MED17: variants seen among roughly 807,000 people sequenced by gnomAD.
The protein encoded by MED17 is mediator of RNA polymerase II transcription subunit 17.
MED17 carries 49 observed loss-of-function variants against 80.8 expected under a neutral mutation model. That is an observed-to-expected ratio of 0.61 (90% confidence interval 0.48 to 0.77). MED17 has a LOEUF of 0.77. Among genes scored for constraint, MED17 ranks in the 30% least tolerant of loss-of-function variants. The pLI, the probability that MED17 is intolerant of heterozygous loss-of-function variation, is 0.00. For synonymous variants in MED17, 281 were observed against 280.4 expected (o/e 1.00, Z -0.02); for missense variants, 718 against 787.0 (o/e 0.91, Z 1.05).
intron 9 of MED17, among the ~76,000 whole-genome samples, chr11:93,803,999 G>GTATATATATATATATA (rs1166820708): frequency 4.1e-4 from 11 of 27,124 alleles, no homozygotes; most frequent in Admixed American, 5.9e-4. Flanking sequence ...ATATGTGTGT[G>GTATATATATATATATA]TATATATATA....
chr11:93,792,747 G>T (rs1464326702), intron 3 of MED17, among the ~76,000 whole-genome samples: 1 of 151,990 alleles, frequency 6.6e-6, no homozygotes, highest in Non-Finnish European at 1.5e-5. Context: ...TTCAAAACCA[G>T]ACTGAACAAC....
At chr11:93,792,093 A>G (rs991588687) in intron 3 of MED17, among the ~76,000 whole-genome samples, 2 of 152,178 alleles carry the variant, frequency 1.3e-5, no homozygotes, top group East Asian at 1.9e-4. Context: ...GGCTGGCTAT[A>G]TGGAAAAACT....
rs147992585 is a variant in MED17, at chr11:93,794,889, T to C, written c.860-19T>C. ...ATAATATGGTTAGATAATTGATACA[T>C]ATATTTCTTGTCTTTCAGGTTCCCC... On this transcript the variant is annotated intron_variant, in intron 5 of 11. Coordinates refer to ENST00000251871, the MANE Select transcript of MED17 (RefSeq NM_004268.5). The C allele has an allele frequency of 1.7e-5, 28 of 1,612,966 alleles. No individual in the cohort carries two copies. The East Asian group carries it at 5.3e-4, about 31-fold the overall frequency.
At chr11:93,802,426 A>G (rs933688194) in intron 9 of MED17, among the ~76,000 whole-genome samples, 2 of 152,120 alleles carry the variant, frequency 1.3e-5, no homozygotes, top group Admixed American at 6.6e-5. Flanking sequence ...TTTGATGGCA[A>G]TTAGTTCTTA....
Position 93,807,602 on chromosome 11 carries a change from G to A in MED17, c.1551G>A (p.Gln517=), listed in dbSNP as rs1434667082. 6.2e-7 allele frequency: 1 copy of A among 1,612,170 alleles called. No individual in the cohort carries two copies. The highest frequency in any genetic ancestry group is 8.5e-7 in the Non-Finnish European group (1 of 1,178,464). Residue 517 remains glutamine (Q), a synonymous_variant, in exon 10 of 12, where the codon CAG becomes CAA. Coordinates refer to ENST00000251871, the MANE Select transcript of MED17 (RefSeq NM_004268.5). Reference sequence around the variant, plus strand: ...GAAGAGTAATTACACTGTCTTATCAGGAGCAGGAGCTACAGGATTTTCTTC... The same window carrying A: ...GAAGAGTAATTACACTGTCTTATCAAGAGCAGGAGCTACAGGATTTTCTTC... ...RDGRVITLSY[Q]EQELQDFLLS...
intron 7 of MED17, 59 bp from the exon 8 acceptor site, chr11:93,797,476 A>G: frequency 6.8e-7 from 1 of 1,471,372 alleles, no homozygotes; most frequent in Non-Finnish European, 9.5e-7. Flanking sequence ...TGTTTTGACT[A>G]AATATTATGT....
In MED17 at chr11:93,801,855, G is replaced by A; in HGVS notation, c.1349G>A (p.Ser450Asn). Residue 450 changes from serine to asparagine, a missense_variant, in exon 9 of 12, where the codon AGC becomes AAC. By Grantham distance (46) the Ser-to-Asn change is conservative. Transcript: ENST00000251871. ...LRSRAAATID[S>N]LASRIEDPQI... ...AAAAGAGCTGCTGCAACCATTGACA[G>A]CTTAGCAAGCCGAATTGAGGATCCT... 1 of 1,613,370 alleles carries A rather than the reference G, an allele frequency of 6.2e-7. No homozygotes were observed. Among genetic ancestry groups the A allele is most frequent in the Non-Finnish European group, 8.5e-7 (1 of 1,179,820 alleles).
At chr11:93,799,974 C>G (rs1013885850) in intron 8 of MED17, among the ~76,000 whole-genome samples, 1 of 152,128 alleles carries the variant, frequency 6.6e-6, no homozygotes, top group African/African-American at 2.4e-5. Context: ...ACCTTGCATT[C>G]ATTTAATATT....
At chr11:93,785,833 C>T (rs1452808817) in intron 1 of MED17, among the ~76,000 whole-genome samples, 1 of 152,098 alleles carries the variant, frequency 6.6e-6, no homozygotes, top group Non-Finnish European at 1.5e-5. Context: ...TAGGGAGCTC[C>T]TGCCTCTACA....
chr11:93,787,607 A>T (rs998525600), intron 1 of MED17, among the ~76,000 whole-genome samples: 1 of 152,156 alleles, frequency 6.6e-6, no homozygotes, highest in African/African-American at 2.4e-5. Flanking sequence ...TAAAAGGAAG[A>T]TATGCTAATA....
At chr11:93,787,168 CT>C (rs1943779519) in intron 1 of MED17, among the ~76,000 whole-genome samples, 1 of 152,138 alleles carries the variant, frequency 6.6e-6, no homozygotes, top group African/African-American at 2.4e-5. Context: ...AATCCCAGCA[CT>C]TTCGGAGGCC....
intron 11 of MED17, chr11:93,811,633 TG>T: frequency 1.8e-6 from 1 of 560,704 alleles, no homozygotes. Context: ...TTAATCTTTG[TG>T]GTACAAATAA....
intron 3 of MED17, among the ~76,000 whole-genome samples, chr11:93,791,870 A>T (rs1943839921): frequency 6.6e-6 from 1 of 152,180 alleles, no homozygotes; most frequent in South Asian, 2.1e-4. Context: ...CTGAGTGAAG[A>T]GAAAGGGTGG....
At chr11:93,791,307 A>G (rs936008187) in intron 3 of MED17, among the ~76,000 whole-genome samples, 7 of 152,222 alleles carry the variant, frequency 4.6e-5, no homozygotes, top group Non-Finnish European at 1.0e-4. Flanking sequence ...AGAAAGTTCA[A>G]AGATGGGGTT....
chr11:93,788,680 CAAA>C (rs11405005), intron 2 of MED17: 9 of 123,480 alleles, frequency 7.3e-5, no homozygotes, highest in South Asian at 2.6e-4. Context: ...GATTCCATCC[CAAA>C]AAAAAAAAAA....
At chr11:93,785,070 G>C in intron 1 of MED17, 2 of 482,884 alleles carry the variant, frequency 4.1e-6, no homozygotes, top group East Asian at 3.8e-5. Flanking sequence ...GTGGCTAAAA[G>C]AGCCCTAGAT....
intron 3 of MED17, chr11:93,793,514 G>C (rs1943864634): frequency 4.7e-6 from 2 of 425,586 alleles, no homozygotes; most frequent in African/African-American, 4.2e-5. Context: ...ACTAAGAAGT[G>C]TTTTTTTTTT....
intron 3 of MED17, 134 bp downstream of exon 3, chr11:93,790,927 C>A: frequency 1.3e-6 from 1 of 787,082 alleles, no homozygotes; most frequent in Non-Finnish European, 2.1e-6. Flanking sequence ...GGCAACATGG[C>A]AAAACCCTAT....
At chr11:93,786,794 T>G (rs1943775407) in intron 1 of MED17, among the ~76,000 whole-genome samples, 1 of 152,182 alleles carries the variant, frequency 6.6e-6, no homozygotes, top group Admixed American at 6.5e-5. Flanking sequence ...ATATCTCCTT[T>G]GATTCACTAT....
Sources: allele counts gnomAD v4.1 joint callset (sites outside exome capture counted in the v4.1 genomes callset), GRCh38; gene constraint gnomAD v4.1.1; transcripts MANE v1.5; gene names NCBI Gene and HGNC (gene_info 2026-07-23, HGNC 2026-07-21).